TRHDE: variants seen among roughly 807,000 people sequenced by gnomAD.
The protein encoded by TRHDE is thyrotropin releasing hormone degrading enzyme.
Under a neutral mutation model 125.7 loss-of-function variants are expected in TRHDE, and 72 were observed. The observed-to-expected ratio is 0.57, with a 90% CI of 0.47 to 0.70. The LOEUF is 0.70. Among genes scored for constraint, TRHDE ranks in the 30% least tolerant of loss-of-function variants. The pLI is 0.00. For synonymous variants in TRHDE, 509 were observed against 509.1 expected, an observed-to-expected ratio of 1.00 and a Z score of 0.00; for missense variants, 1,110 against 1,327.1, an observed-to-expected ratio of 0.84 and a Z score of 2.54.
intron 6 of TRHDE, among the ~76,000 whole-genome samples, chr12:72,523,574 G>A (rs569777435): frequency 7.2e-5 from 11 of 152,084 alleles, no homozygotes; most frequent in African/African-American, 1.4e-4. Context: ...GTAATTTGTG[G>A]AATGCCAGTT....
intron 2 of TRHDE, among the ~76,000 whole-genome samples, chr12:72,335,377 C>G (rs896388394): frequency 7.9e-5 from 12 of 152,172 alleles, no homozygotes; most frequent in African/African-American, 2.9e-4. Context: ...ATGTATGATA[C>G]TAGAAATTAA....
At chr12:72,132,749 G>A (rs2139308963) in intron 2 of TRHDE, among the ~76,000 whole-genome samples, 1 of 152,274 alleles carries the variant, frequency 6.6e-6, no homozygotes, top group African/African-American at 2.4e-5. Context: ...AATAGAACCT[G>A]TGCCCTAACA....
At position 72,471,836 on chromosome 12, in the gene TRHDE, C is replaced by T. The variant is rs570873009; in HGVS notation, c.1471-1231C>T. On this transcript the variant is annotated intron_variant, in intron 4 of 18. Transcript: ENST00000261180. The stretch of plus-strand genomic sequence containing the variant: ...TCAGCCAAGCTTGTTAATGTGGCTC[C>T]TAAAGCCATACATGATCTGGTACTT... Among the ~76,000 whole-genome samples the T allele has an allele frequency of 5.9e-5, 9 of 152,272 alleles. No individual in the cohort carries two copies. In the South Asian group the frequency reaches 1.7e-3, roughly 28 times the overall value.
intron 6 of TRHDE, among the ~76,000 whole-genome samples, chr12:72,519,753 T>C (rs1270145843): frequency 6.6e-6 from 1 of 152,124 alleles, no homozygotes; most frequent in Non-Finnish European, 1.5e-5. Context: ...TTCTGTTCTG[T>C]TTTTTCCCCA....
At chr12:72,106,990 G>C (rs1592442666) in intron 2 of TRHDE, among the ~76,000 whole-genome samples, 2 of 152,010 alleles carry the variant, frequency 1.3e-5, no homozygotes, top group Non-Finnish European at 1.5e-5. Flanking sequence ...CTCAACATCT[G>C]ATCAGAGAAA....
intron 2 of TRHDE, among the ~76,000 whole-genome samples, chr12:72,231,587 A>G (rs1257503477): frequency 1.3e-5 from 2 of 152,192 alleles, no homozygotes; most frequent in Non-Finnish European, 2.9e-5. Context: ...AGAACATAGA[A>G]TCTCTAGGGA....
chr12:72,514,798 C>A (rs1486348791), intron 6 of TRHDE, among the ~76,000 whole-genome samples: 1 of 113,864 alleles, frequency 8.8e-6, no homozygotes, highest in Non-Finnish European at 1.7e-5. Flanking sequence ...TCCCCCCACC[C>A]CAGAACAGTC....
At chr12:72,295,398 A>G (rs1049014555) in intron 2 of TRHDE, among the ~76,000 whole-genome samples, 1 of 152,160 alleles carries the variant, frequency 6.6e-6, no homozygotes, top group Non-Finnish European at 1.5e-5. Flanking sequence ...TGCCGTCACT[A>G]TGATAGGAAC....
intron 12 of TRHDE, among the ~76,000 whole-genome samples, chr12:72,585,891 TA>T (rs1276817526): frequency 3.9e-5 from 6 of 152,196 alleles, no homozygotes; most frequent in African/African-American, 1.4e-4. Context: ...AAGAAATTTT[TA>T]AAATGAGGAA....
At chr12:72,097,337 T>C (rs138059970) in intron 1 of TRHDE, among the ~76,000 whole-genome samples, 1 of 151,988 alleles carries the variant, frequency 6.6e-6, no homozygotes, top group Non-Finnish European at 1.5e-5. Context: ...CACCTCATAA[T>C]TTTAGAAACA....
At chr12:72,518,802 T>C (rs1879019833) in intron 6 of TRHDE, among the ~76,000 whole-genome samples, 2 of 152,228 alleles carry the variant, frequency 1.3e-5, no homozygotes, top group South Asian at 4.1e-4. Flanking sequence ...CCTTTCCATG[T>C]TTAGTGCTTC....
intron 3 of TRHDE, among the ~76,000 whole-genome samples, chr12:72,392,257 AT>A (rs968989339): frequency 6.6e-6 from 1 of 152,188 alleles, no homozygotes; most frequent in African/African-American, 2.4e-5. Flanking sequence ...GGCTTGGATC[AT>A]TTTGCTGAGA....
chr12:72,462,815 G>A (rs1238310035), intron 3 of TRHDE, among the ~76,000 whole-genome samples: 1 of 152,024 alleles, frequency 6.6e-6, no homozygotes, highest in Non-Finnish European at 1.5e-5. Context: ...GTCTATTTGT[G>A]TATTATTTGG....
chr12:72,477,104 T>C (rs12423771), intron 5 of TRHDE, among the ~76,000 whole-genome samples: 10,822 of 152,208 alleles, frequency 0.071, 536 homozygotes, highest in Admixed American at 0.14. Context: ...AATGGGAGAA[T>C]TATACTGACT....
intron 15 of TRHDE, among the ~76,000 whole-genome samples, chr12:72,638,212 G>C (rs1010702423): frequency 1.4e-5 from 2 of 147,968 alleles, no homozygotes; most frequent in Non-Finnish European, 3.0e-5. Flanking sequence ...TATATATTTA[G>C]GATAGTTAGC....
At position 72,576,220 on chromosome 12, in the gene TRHDE, G is replaced by A. The variant is rs189385752; in HGVS notation, c.2321+678G>A. ...TCATACTGTTTCACAGCCAAGTACAGTTTTAATTTTAAAAATCAAATTATA... is the reference window on the plus strand; with the variant it reads ...TCATACTGTTTCACAGCCAAGTACAATTTTAATTTTAAAAATCAAATTATA... On this transcript the variant is annotated intron_variant, in intron 12 of 18. Transcript: ENST00000261180. Among the ~76,000 whole-genome samples, 61 of 152,174 alleles carry A rather than the reference G, an allele frequency of 4.0e-4. No individual in the cohort carries two copies. The East Asian group carries it at 0.011, about 27-fold the overall frequency.
chr12:72,353,713 T>C (rs151172394), intron 2 of TRHDE, among the ~76,000 whole-genome samples: 253 of 151,732 alleles, frequency 1.7e-3, no homozygotes, highest in African/African-American at 5.7e-3. Flanking sequence ...CAGAAAAATA[T>C]ATATTAAAAT....
chr12:72,354,659 AAATT>A (rs1280820972), intron 2 of TRHDE, among the ~76,000 whole-genome samples: 1 of 149,136 alleles, frequency 6.7e-6, no homozygotes, highest in Non-Finnish European at 1.5e-5. Flanking sequence ...TTTGTAAAAT[AAATT>A]ATTTTAAATA....
At chr12:72,249,556 C>A (rs540826357) in intron 2 of TRHDE, among the ~76,000 whole-genome samples, 1 of 152,192 alleles carries the variant, frequency 6.6e-6, no homozygotes, top group Admixed American at 6.5e-5. Flanking sequence ...TAAGCACATA[C>A]AAAGATGTGC....
Sources: allele counts gnomAD v4.1 joint callset (sites outside exome capture counted in the v4.1 genomes callset), GRCh38; gene constraint gnomAD v4.1.1; transcripts MANE v1.5; gene names NCBI Gene and HGNC (gene_info 2026-07-23, HGNC 2026-07-21).